NR6A1: variants seen among roughly 807,000 people sequenced by gnomAD.
NR6A1 encodes retinoic acid receptor-related testis-associated receptor.
In NR6A1, 7 loss-of-function variants were observed where a neutral mutation model predicts 59.1. That is an observed-to-expected ratio of 0.12 (90% CI 0.07 to 0.22). The LOEUF is 0.22. Among genes scored for constraint, NR6A1 ranks in the 10% least tolerant of loss-of-function variants. The probability of loss-of-function intolerance (pLI) is 1.00; values close to 1 mark genes in which losing one functional copy is unlikely to be tolerated. For synonymous variants in NR6A1, 243 were observed against 236.1 expected, an observed-to-expected ratio of 1.03 and a Z score of -0.27; for missense variants, 468 against 611.6, an observed-to-expected ratio of 0.77 and a Z score of 2.48.
At chr9:124,736,433 C>T (rs1303841146) in intron 1 of NR6A1, among the ~76,000 whole-genome samples, 1 of 152,182 alleles carries the variant, frequency 6.6e-6, no homozygotes, top group African/African-American at 2.4e-5. Flanking sequence ...CTGTTAATGG[C>T]ACCCTGATTT....
intron 2 of NR6A1, among the ~76,000 whole-genome samples, chr9:124,559,119 T>C (rs1834009000): frequency 6.6e-6 from 1 of 152,230 alleles, no homozygotes; most frequent in African/African-American, 2.4e-5. Context: ...TTACATACAC[T>C]ATTTACCACA....
chr9:124,730,594 G>A (rs565697536), intron 2 of NR6A1, among the ~76,000 whole-genome samples: 2 of 129,612 alleles, frequency 1.5e-5, no homozygotes, highest in Non-Finnish European at 3.1e-5. Flanking sequence ...ATTCTATACT[G>A]ATGTATAAAA....
At chr9:124,702,891 G>C (rs560825300) in intron 2 of NR6A1, among the ~76,000 whole-genome samples, 1 of 151,588 alleles carries the variant, frequency 6.6e-6, no homozygotes, top group East Asian at 1.9e-4. Context: ...CCTATTCTAC[G>C]AATAGGCAAA....
chr9:124,659,147 G>A (rs1246959328), intron 2 of NR6A1, among the ~76,000 whole-genome samples: 1 of 152,202 alleles, frequency 6.6e-6, no homozygotes, highest in Non-Finnish European at 1.5e-5. Context: ...GCCGCCTGGG[G>A]CGGTGGGGGT....
intron 1 of NR6A1, among the ~76,000 whole-genome samples, chr9:124,745,418 T>A (rs979371186): frequency 2.6e-5 from 4 of 152,196 alleles, no homozygotes; most frequent in African/African-American, 9.6e-5. Context: ...ACGCCTGTAA[T>A]CCCAGCACTT....
chr9:124,550,487 C>T (rs997643664), intron 3 of NR6A1, among the ~76,000 whole-genome samples: 3 of 149,982 alleles, frequency 2.0e-5, no homozygotes, highest in Admixed American at 6.7e-5. Context: ...CCAGAGTAGC[C>T]GGGACTGTAG....
chr9:124,526,385 C>T (rs1398122523), intron 8 of NR6A1, among the ~76,000 whole-genome samples: 1 of 152,156 alleles, frequency 6.6e-6, no homozygotes, highest in Admixed American at 6.5e-5. Context: ...GAGGCCTTAT[C>T]TCCAACAGTT....
chr9:124,722,751 C>T (rs940076278), intron 2 of NR6A1, among the ~76,000 whole-genome samples: 12 of 152,110 alleles, frequency 7.9e-5, no homozygotes, highest in African/African-American at 2.7e-4. Context: ...GGGTCTCACT[C>T]CCGACACCCA....
intron 1 of NR6A1, among the ~76,000 whole-genome samples, chr9:124,761,790 T>C (rs1840791456): frequency 6.6e-6 from 1 of 152,242 alleles, no homozygotes; most frequent in Non-Finnish European, 1.5e-5. Context: ...TAAGAAATTC[T>C]GTTGTCAGAT....
intron 8 of NR6A1, 98 bp downstream of exon 8, chr9:124,526,681 G>T: frequency 6.5e-7 from 1 of 1,530,820 alleles, no homozygotes; most frequent in Non-Finnish European, 8.9e-7. Context: ...GATTCTGTGT[G>T]ATAGTCCTGA....
At chr9:124,615,580 C>G (rs1207865866) in intron 2 of NR6A1, among the ~76,000 whole-genome samples, 1 of 151,948 alleles carries the variant, frequency 6.6e-6, no homozygotes, top group African/African-American at 2.4e-5. Context: ...TCCATTCCCC[C>G]ACAAAGCACC....
chr9:124,649,585 A>G (rs1837038296), intron 2 of NR6A1, among the ~76,000 whole-genome samples: 1 of 152,210 alleles, frequency 6.6e-6, no homozygotes, highest in African/African-American at 2.4e-5. Flanking sequence ...CACAGGCAAC[A>G]AAAGCAGAAA....
intron 2 of NR6A1, among the ~76,000 whole-genome samples, chr9:124,720,089 C>G (rs1483453979): frequency 6.6e-6 from 1 of 151,974 alleles, no homozygotes; most frequent in African/African-American, 2.4e-5. Context: ...CTCTTGTCAC[C>G]CAGGCTAGAG....
At chr9:124,570,078 T>C (rs568111193) in intron 2 of NR6A1, among the ~76,000 whole-genome samples, 3 of 152,346 alleles carry the variant, frequency 2.0e-5, no homozygotes, top group South Asian at 2.1e-4. Flanking sequence ...CCTAAGCAGA[T>C]AGCTACAGAT....
At position 124,648,323 on chromosome 9, in the gene NR6A1, C is replaced by T. The variant is rs1836997828; in HGVS notation, c.142+84985G>A. On this transcript the variant is annotated intron_variant, in intron 2 of 9. Transcript: ENST00000487099. ...GACCAGCCTGGGCAACATAGCGAGA[C>T]CCCATCTCTACCAAAATAAATAAAT... Among the ~76,000 whole-genome samples, 4 of 152,064 alleles carry T rather than the reference C, an allele frequency of 2.6e-5. No individual in the cohort carries two copies. In the South Asian group the frequency reaches 8.3e-4, roughly 31 times the overall value.
intron 2 of NR6A1, 137 bp downstream of exon 2, chr9:124,733,171 A>C: frequency 1.4e-6 from 1 of 692,944 alleles, no homozygotes; most frequent in Non-Finnish European, 2.6e-6. Flanking sequence ...CCCTTCCTAT[A>C]ATTACAAATT....
rs528400058 is a variant in NR6A1 at position 124,696,575 on chromosome 9, T to C, written c.142+36733A>G. Among the ~76,000 whole-genome samples the C allele has an allele frequency of 2.2e-5, 3 of 135,544 alleles. No individual in the cohort carries two copies. The East Asian group carries it at 6.5e-4, about 29-fold the overall frequency. 88.9% of individuals were successfully genotyped at this position (135,544 alleles called of 152,430 possible). On this transcript the variant is annotated intron_variant, in intron 2 of 9. Transcript: ENST00000487099. ...TCTCGCTCTGTCACCCAGGCTGGAG[T>C]GCAGTGGTGTGATCTCGGCTCACTG...
chr9:124,744,617 CAAG>C (rs1271049076), intron 1 of NR6A1, among the ~76,000 whole-genome samples: 1 of 152,184 alleles, frequency 6.6e-6, no homozygotes, highest in Non-Finnish European at 1.5e-5. Flanking sequence ...CCTCAACGTC[CAAG>C]AAGAATACCA....
intron 2 of NR6A1, among the ~76,000 whole-genome samples, chr9:124,634,478 A>G (rs923298036): frequency 1.3e-5 from 2 of 152,126 alleles, no homozygotes; most frequent in Admixed American, 6.5e-5. Context: ...TTTCCATCAA[A>G]GTTTTCCTTC....
Sources: allele counts gnomAD v4.1 joint callset (sites outside exome capture counted in the v4.1 genomes callset), GRCh38; gene constraint gnomAD v4.1.1; transcripts MANE v1.5; gene names NCBI Gene and HGNC (gene_info 2026-07-23, HGNC 2026-07-21).